STK33: variants seen among roughly 807,000 people sequenced by gnomAD.
The protein encoded by STK33 is serine/threonine-protein kinase 33.
Under a neutral mutation model 58.0 loss-of-function variants are expected in STK33, and 52 were observed. The observed-to-expected ratio is 0.90, with a 90% CI of 0.72 to 1.13. The LOEUF is 1.13. Among genes scored for constraint, STK33 ranks in the 50% most tolerant of loss-of-function variants. The pLI is 0.00. For missense variants in STK33, 630 were observed against 604.2 expected, an observed-to-expected ratio of 1.04 and a Z score of -0.45; for synonymous variants, 215 against 200.1, an observed-to-expected ratio of 1.07 and a Z score of -0.63.
At chr11:8,579,939 C>T (rs371140258) in intron 1 of STK33, among the ~76,000 whole-genome samples, 33 of 152,118 alleles carry the variant, frequency 2.2e-4, no homozygotes, top group African/African-American at 5.5e-4. Flanking sequence ...CCAGTTTAAA[C>T]GGCTTTTATC....
intron 8 of STK33, among the ~76,000 whole-genome samples, chr11:8,460,423 G>A (rs1947370883): frequency 6.6e-6 from 1 of 152,020 alleles, no homozygotes; most frequent in African/African-American, 2.4e-5. Context: ...TCCACTGGAA[G>A]AGATTAACAA....
chr11:8,462,686 C>G (rs1303396613), intron 7 of STK33, among the ~76,000 whole-genome samples: 1 of 151,986 alleles, frequency 6.6e-6, no homozygotes, highest in East Asian at 1.9e-4. Flanking sequence ...ATTTAACACT[C>G]ACCATGCAGA....
intron 1 of STK33, among the ~76,000 whole-genome samples, chr11:8,514,809 A>T (rs1952632045): frequency 6.6e-6 from 1 of 152,224 alleles, no homozygotes; most frequent in Admixed American, 6.5e-5. Context: ...TAATTTTTTT[A>T]AAACAGCCAC....
chr11:8,451,828 T>C (rs554732567), intron 11 of STK33, among the ~76,000 whole-genome samples: 9 of 152,094 alleles, frequency 5.9e-5, no homozygotes, highest in South Asian at 2.1e-4. Flanking sequence ...TTTAGAAAAA[T>C]AGGAAACTGC....
At chr11:8,521,861 T>C (rs912056042) in intron 1 of STK33, among the ~76,000 whole-genome samples, 46 of 151,838 alleles carry the variant, frequency 3.0e-4, no homozygotes, top group Admixed American at 2.9e-3. Context: ...ATGCAGCCAA[T>C]AGACACATGA....
At chr11:8,488,862 G>A (rs547185660) in intron 1 of STK33, among the ~76,000 whole-genome samples, 1 of 152,322 alleles carries the variant, frequency 6.6e-6, no homozygotes, top group East Asian at 1.9e-4. Flanking sequence ...AAAGTAATCA[G>A]TGGAAACTGC....
chr11:8,399,112 T>C lies in STK33; in HGVS notation c.1345-6402A>G, dbSNP rs879740773. ...GAATTGAACTCAGCTCTGCACCAAG[T>C]GGACCTAATAGACTTCTACAGAACT... On this transcript the variant is annotated intron_variant, in intron 15 of 15. Coordinates refer to ENST00000687296, the MANE Select transcript of STK33 (RefSeq NM_001352389.2). Among the ~76,000 whole-genome samples the C allele has an allele frequency of 4.6e-5, 7 of 152,234 alleles. 1 individual carries two copies. The highest frequency in any genetic ancestry group is 6.5e-5 in the Admixed American group (1 of 15,284).
chr11:8,356,836 TTGG>T, the STK33 span, among the ~76,000 whole-genome samples: 86 of 152,212 alleles, frequency 5.7e-4, no homozygotes, highest in East Asian at 0.014. Flanking sequence ...TCCAAGGCCC[TTGG>T]TGGAGCTGAG....
chr11:8,426,427 G>A (rs1027370152), intron 14 of STK33, among the ~76,000 whole-genome samples: 3 of 152,176 alleles, frequency 2.0e-5, no homozygotes, highest in Non-Finnish European at 4.4e-5. Flanking sequence ...GGTGGTCTTG[G>A]AAAATGCAAC....
the STK33 span, among the ~76,000 whole-genome samples, chr11:8,352,062 C>T: frequency 1.3e-5 from 2 of 152,318 alleles, no homozygotes; most frequent in Middle Eastern, 3.4e-3. Context: ...CAAATAAGCA[C>T]GAGCTGCCTC....
At chr11:8,535,760 C>G (rs1405324621) in intron 1 of STK33, among the ~76,000 whole-genome samples, 1 of 152,044 alleles carries the variant, frequency 6.6e-6, no homozygotes, top group African/African-American at 2.4e-5. Flanking sequence ...GAAAAGAAAC[C>G]AATATATCAA....
intron 15 of STK33, among the ~76,000 whole-genome samples, chr11:8,397,014 T>G (rs1196425376): frequency 2.0e-5 from 3 of 152,322 alleles, no homozygotes; most frequent in East Asian, 1.9e-4. Flanking sequence ...CCTGCCTGCC[T>G]CTGTAGACTC....
intron 1 of STK33, among the ~76,000 whole-genome samples, chr11:8,497,466 GTTCT>G (rs1368964914): frequency 2.0e-5 from 3 of 152,186 alleles, no homozygotes; most frequent in Admixed American, 6.5e-5. Context: ...CATGTTCAAA[GTTCT>G]TTCTTTTTCT....
At chr11:8,391,444 C>T (rs1321796515), downstream of STK33, among the ~76,000 whole-genome samples, 4 of 152,212 alleles carry the variant, frequency 2.6e-5, no homozygotes, top group Non-Finnish European at 5.9e-5. Context: ...GTCTTCTAAA[C>T]TAACTGCAAG....
the STK33 span, among the ~76,000 whole-genome samples, chr11:8,383,047 C>T: frequency 1.3e-5 from 2 of 152,162 alleles, no homozygotes; most frequent in Non-Finnish European, 2.9e-5. Flanking sequence ...CTAGATTGTC[C>T]ACGAATCCCT....
intron 7 of STK33, among the ~76,000 whole-genome samples, chr11:8,462,402 C>CATAT (rs71059165): frequency 4.8e-5 from 7 of 145,554 alleles, no homozygotes; most frequent in East Asian, 2.0e-4. Context: ...TATATATATA[C>CATAT]ATATATATAC....
At chr11:8,506,433 AG>A (rs1951866820) in intron 1 of STK33, among the ~76,000 whole-genome samples, 1 of 152,162 alleles carries the variant, frequency 6.6e-6, no homozygotes, top group African/African-American at 2.4e-5. Context: ...AGTATCTTAC[AG>A]TTCTGTAAGT....
intron 1 of STK33, among the ~76,000 whole-genome samples, chr11:8,553,002 CTTAAA>C (rs1305864484): frequency 6.7e-6 from 1 of 149,264 alleles, no homozygotes; most frequent in East Asian, 2.0e-4. Context: ...AAAAAAAAAA[CTTAAA>C]TTAGCCAGGC....
intron 1 of STK33, among the ~76,000 whole-genome samples, chr11:8,552,104 C>T (rs1390096111): frequency 1.3e-5 from 2 of 152,206 alleles, no homozygotes; most frequent in Non-Finnish European, 2.9e-5. Flanking sequence ...AGATTCCAGA[C>T]CAGTGGCAAA....
Sources: allele counts gnomAD v4.1 joint callset (sites outside exome capture counted in the v4.1 genomes callset), GRCh38; gene constraint gnomAD v4.1.1; transcripts MANE v1.5; gene names NCBI Gene and HGNC (gene_info 2026-07-23, HGNC 2026-07-21).